LOX: variants seen among roughly 807,000 people sequenced by gnomAD.
LOX encodes protein-lysine 6-oxidase.
Under a neutral mutation model 50.5 loss-of-function variants are expected in LOX, and 12 were observed. The ratio of observed to expected loss-of-function variants is 0.24; its 90% CI spans 0.15 to 0.38. LOX has a LOEUF of 0.38. LOX is among the 10% of genes least tolerant of loss of function. The pLI, the probability that LOX is intolerant of heterozygous loss-of-function variation, is 1.00. For missense variants in LOX, 504 were observed against 563.8 expected, an observed-to-expected ratio of 0.89 and a Z score of 1.07; for synonymous variants, 254 against 230.6, an observed-to-expected ratio of 1.10 and a Z score of -0.92.
intron 4 of LOX, among the ~76,000 whole-genome samples, chr5:122,073,505 A>G (rs778046079): frequency 3.3e-5 from 5 of 152,228 alleles, no homozygotes; most frequent in Non-Finnish European, 7.3e-5. Flanking sequence ...TTCTATTTTC[A>G]GCATAAAACA....
intron 6 of LOX, among the ~76,000 whole-genome samples, chr5:122,069,447 G>A (rs1754390571): frequency 6.6e-6 from 1 of 152,102 alleles, no homozygotes; most frequent in South Asian, 2.1e-4. Context: ...TTTCATCAGA[G>A]CACCTCCCTG....
At position 122,070,145 on chromosome 5, in the gene LOX, C is replaced by T. The variant is rs375654723; in HGVS notation, c.1155G>A (p.Leu385=). The T allele has an allele frequency of 3.7e-6, 6 of 1,612,380 alleles. No individual in the cohort carries two copies. In the African/African-American group the frequency reaches 8.0e-5, roughly 22 times the overall value. Residue 385 remains leucine (L), a synonymous_variant, in exon 6 of 7, where the codon CTG becomes CTA. Transcript: ENST00000231004. ...TGTTGGTATAGTCAGATTCAGGAAC[C>T]AGGTAGCTGGGGTTTACACTGACCT... is the stretch of plus-strand genomic sequence containing the variant. ...ILKVSVNPSY[L]VPESDYTNNV... is the part of the protein sequence containing the mutation.
chr5:122,069,555 T>G (rs1754393259), intron 6 of LOX, among the ~76,000 whole-genome samples: 1 of 152,156 alleles, frequency 6.6e-6, no homozygotes, highest in Non-Finnish European at 1.5e-5. Flanking sequence ...GCAGAGTATT[T>G]TCCTAGTATC....
Position 122,078,095 on chromosome 5 carries a change from C to G in LOX, c.-110G>C. 9.5e-7 allele frequency: 1 copy of G among 1,055,956 alleles called. No homozygotes were observed. The highest frequency in any genetic ancestry group is 3.9e-5 in the Admixed American group (1 of 25,326). 65.4% of individuals were successfully genotyped at this position (1,055,956 alleles called of 1,614,324 possible). A position where few individuals can be genotyped will look rare whatever the true frequency, so the allele number is the denominator to read the frequency against. On this transcript the variant is annotated 5_prime_UTR_variant, in exon 1 of 7. Coordinates refer to ENST00000231004, the MANE Select transcript of LOX (RefSeq NM_002317.7). ...AGAAATCTTCAACCAAGGAGGCGAG[C>G]GGAGCACGGGTATCTCAGTCTCCAC...
rs560487594 is a variant in LOX at position 122,068,715 on chromosome 5, A to T, written c.1247+1338T>A. On this transcript the variant is annotated intron_variant, in intron 6 of 6. Transcript: ENST00000231004. ...GTAATTAACTGAAAATAGTGTAATAAGGCTACAGCAGTATAGAGATTAGTA... is the reference window on the plus strand; with the variant it reads ...GTAATTAACTGAAAATAGTGTAATATGGCTACAGCAGTATAGAGATTAGTA... Among the ~76,000 whole-genome samples, 425 of 152,260 alleles carry T rather than the reference A, an allele frequency of 2.8e-3. 1 individual carries two copies. Among genetic ancestry groups the T allele is most frequent in the African/African-American group, 9.7e-3 (402 of 41,560 alleles).
In LOX at chr5:122,077,410, C is replaced by T; in HGVS notation, c.576G>A (p.Arg192=). 6.2e-7 allele frequency: 1 copy of T among 1,614,076 alleles called. No homozygotes were observed. The highest frequency in any genetic ancestry group is 8.5e-7 in the Non-Finnish European group (1 of 1,179,994). Residue 192 remains arginine (R), a synonymous_variant, in exon 1 of 7, where the codon AGG becomes AGA. Transcript: ENST00000231004. The surrounding 1 kb of genome is among the most constrained non-coding windows in gnomAD (Gnocchi z 4.9). ...PYYNYYDTYE[R]PRPGGRYRPG... ...GCCGGTACCTGCCCCCAGGTCTGGG[C>T]CTTTCATAAGTATCGTAGTAGTTGT...
chr5:122,073,865 C>T, intron 4 of LOX, 148 bp downstream of exon 4: 1 of 686,866 alleles, frequency 1.5e-6, no homozygotes, highest in Non-Finnish European at 2.5e-6. Context: ...TGGGGTATAT[C>T]ATCTACAGTT....
rs1304588594 is a variant in LOX, at chr5:122,077,120, G to A, written c.632-119C>T. On this transcript the variant is annotated intron_variant, in intron 1 of 6. Coordinates refer to ENST00000231004, the MANE Select transcript of LOX (RefSeq NM_002317.7). The surrounding 1 kb of genome is among the most constrained non-coding windows in gnomAD (Gnocchi z 4.9). ...TCGCCCACCGGGACTGCAGAGTGGA[G>A]CGGAGGACAGCAAGAGAACTGGGGA... 6 of 1,490,762 alleles carry A rather than the reference G, an allele frequency of 4.0e-6. No homozygotes were observed. Among genetic ancestry groups the A allele is most frequent in the African/African-American group, 1.4e-5 (1 of 71,832 alleles). 92.3% of individuals were successfully genotyped at this position (1,490,762 alleles called of 1,614,324 possible). A position where few individuals can be genotyped will look rare whatever the true frequency, so the allele number is the denominator to read the frequency against.
rs765838611 is a variant in LOX at position 122,077,319 on chromosome 5, T to G, written c.631+36A>C. The G allele has an allele frequency of 6.2e-7, 1 of 1,612,816 alleles. No individual in the cohort carries two copies. The highest frequency in any genetic ancestry group is 8.5e-7 in the Non-Finnish European group (1 of 1,179,750). On this transcript the variant is annotated intron_variant, in intron 1 of 6. Transcript: ENST00000231004. The surrounding 1 kb of genome is among the most constrained non-coding windows in gnomAD (Gnocchi z 4.9). ...AGAAGCCACATAGCTGGGGACCAGG[T>G]GCACGGGTGCTTCCAGCGGACTTGG...
chr5:122,065,991 G>A lies in LOX; in HGVS notation c.*752C>T, dbSNP rs975317122. The A allele has an allele frequency of 1.3e-5, 2 of 151,996 alleles. No homozygotes were observed. The highest frequency in any genetic ancestry group is 2.4e-5 in the African/African-American group (1 of 41,414). The allele number at this position is 151,996 out of a possible 1,614,324, so 9.4% of individuals were successfully genotyped here. Reference sequence around the variant, plus strand: ...CCCACTTACAACATCTCTGCCCATGGGAAAGATAAAATGATAGAGGGCAGC... The same window carrying A: ...CCCACTTACAACATCTCTGCCCATGAGAAAGATAAAATGATAGAGGGCAGC... On this transcript the variant is annotated 3_prime_UTR_variant, in exon 7 of 7. Transcript: ENST00000231004.
Position 122,074,054 on chromosome 5 carries a change from A to C in LOX, c.994T>G (p.Tyr332Asp). Residue 332 changes from tyrosine (Y) to aspartate (D), a missense_variant, in exon 4 of 7, where the codon TAT (tyrosine) becomes GAT (aspartate). Physicochemically the swap from Tyr to Asp is radical, Grantham distance 160. Coordinates refer to ENST00000231004, the MANE Select transcript of LOX (RefSeq NM_002317.7). Reference protein sequence around the residue: ...SFCLEDTSCDYGYHRRFACTA... With the variant: ...SFCLEDTSCDDGYHRRFACTA... ...CATGCAAATCGCCTGTGGTAGCCAT[A>C]GTCACAGGATGTGTCTTCAAGACAG... 1.2e-6 allele frequency: 2 copies of C among 1,614,092 alleles called. No homozygotes were observed. The highest frequency in any genetic ancestry group is 1.7e-6 in the Non-Finnish European group (2 of 1,179,940).
At chr5:122,076,822 T>C in intron 2 of LOX, 71 bp downstream of exon 2, 1 of 1,372,084 alleles carries the variant, frequency 7.3e-7, no homozygotes, top group East Asian at 2.3e-5. Flanking sequence ...GCAGTAGCAG[T>C]CAGAACCAGG....
intron 4 of LOX, among the ~76,000 whole-genome samples, chr5:122,071,887 A>G (rs1025112702): frequency 3.3e-5 from 5 of 152,174 alleles, no homozygotes; most frequent in African/African-American, 1.2e-4. Flanking sequence ...AGAGCACACA[A>G]TAGCACAGAC....
chr5:122,075,954 T>C (rs1754615311), intron 2 of LOX: 3 of 152,490 alleles, frequency 2.0e-5, no homozygotes, highest in Non-Finnish European at 4.4e-5. Context: ...AACTTCAAAC[T>C]TAACAAAACT....
At chr5:122,070,300 G>T (rs1275907112) in intron 5 of LOX, 132 bp from the exon 6 acceptor site, 2 of 666,660 alleles carry the variant, frequency 3.0e-6, no homozygotes, top group East Asian at 5.3e-5. Context: ...CTCTGGAGAC[G>T]TTATGGAAAG....
chr5:122,067,206 C>T (rs1463106697), intron 6 of LOX, among the ~76,000 whole-genome samples: 1 of 152,022 alleles, frequency 6.6e-6, no homozygotes, highest in African/African-American at 2.4e-5. Flanking sequence ...TCAAATATTA[C>T]TGTCTTTAAA....
At chr5:122,070,388 G>T in intron 5 of LOX, 106 bp downstream of exon 5, 1 of 678,130 alleles carries the variant, frequency 1.5e-6, no homozygotes, top group Non-Finnish European at 2.6e-6. Context: ...ATAGTTTGAG[G>T]ATGTATAATT....
Position 122,077,889 on chromosome 5 carries a change from G to C in LOX, c.97C>G (p.Arg33Gly). The C allele has an allele frequency of 6.5e-7, 1 of 1,532,798 alleles. No homozygotes were observed. Among genetic ancestry groups the C allele is most frequent in the Non-Finnish European group, 8.7e-7 (1 of 1,146,376 alleles). The allele number at this position is 1,532,798 out of a possible 1,614,324, so 94.9% of individuals were successfully genotyped here. ...PPAAGQQQPP[R>G]EPPAAPGAWR... The stretch of plus-strand genomic sequence containing the variant: ...GCGCCCGGAGCCGCCGGCGGCTCGC[G>C]CGGGGGCTGCTGTTGGCCGGCGGCG... Residue 33 changes from arginine (R) to glycine (G), a missense_variant, in exon 1 of 7, where the codon CGC becomes GGC. Around this residue, in one of 2 missense-constraint regions of LOX, gnomAD observed 398 missense variants for 365.8 expected, o/e 1.09. Transcript: ENST00000231004. This position sits in a 1 kb window ranked among gnomAD's most constrained non-coding sequence, Gnocchi z 4.9.
At position 122,078,103 on chromosome 5, in the gene LOX, G is replaced by T; in HGVS notation, c.-118C>A. The T allele has an allele frequency of 1.1e-6, 1 of 950,416 alleles. No individual in the cohort carries two copies. Among genetic ancestry groups the T allele is most frequent in the Non-Finnish European group, 1.4e-6 (1 of 695,360 alleles). The allele number at this position is 950,416 out of a possible 1,614,324, so 58.9% of individuals were successfully genotyped here. ...TCAACCAAGGAGGCGAGCGGAGCAC[G>T]GGTATCTCAGTCTCCACCAAGCAAT... is the stretch of plus-strand genomic sequence containing the variant. On this transcript the variant is annotated 5_prime_UTR_variant, in exon 1 of 7. Coordinates refer to ENST00000231004, the MANE Select transcript of LOX (RefSeq NM_002317.7).
Sources: gnomAD v4.1 joint callset for allele counts (sites outside exome capture counted in the v4.1 genomes callset) on GRCh38, gnomAD v4.1.1 for gene constraint, gnomAD v4.1.1 regional missense constraint, Gnocchi (gnomAD v3.1) non-coding constraint, MANE v1.5 for transcripts, NCBI Gene and HGNC (gene_info 2026-07-23, HGNC 2026-07-21) for gene names.